The following FAM171A1 variants were observed in gnomAD, a reference collection of about 807,000 sequenced individuals.
FAM171A1 encodes the protein protein FAM171A1.
A neutral mutation model predicts 74.9 loss-of-function variants in FAM171A1; 23 were observed. The observed-to-expected ratio is 0.31, with a 90% CI of 0.22 to 0.44. FAM171A1 has a LOEUF of 0.44. Ranked by LOEUF, FAM171A1 falls within the 20% of genes least tolerant of loss-of-function variation. The pLI, the probability that FAM171A1 is intolerant of heterozygous loss-of-function variation, is 1.00. For missense variants in FAM171A1, 1,162 were observed against 1,159.2 expected (o/e 1.00, Z -0.03); for synonymous variants, 527 against 505.7 (o/e 1.04, Z -0.57).
rs1833915762 is a variant in FAM171A1, at chr10:15,213,200, C to T, written c.2388G>A (p.Gln796=). Residue 796 remains glutamine, a synonymous_variant, in exon 8 of 8, where the codon CAG becomes CAA. Transcript: ENST00000378116. This position sits in a 1 kb window ranked among gnomAD's most constrained non-coding sequence, Gnocchi z 6.8. ...CCGTGGTCCCACATTCGCTACCACT[C>T]TGTTCCACGTCATCCAGGTACACGA... The part of the protein sequence containing the change: ...TQLVYLDDVE[Q]SGSECGTTVC... The T allele has an allele frequency of 1.2e-5, 20 of 1,614,138 alleles. No homozygotes were observed. Among genetic ancestry groups the T allele is most frequent in the Non-Finnish European group, 1.6e-5 (19 of 1,180,038 alleles).
At chr10:15,311,521 G>C (rs1305167651) in intron 1 of FAM171A1, among the ~76,000 whole-genome samples, 1 of 152,108 alleles carries the variant, frequency 6.6e-6, no homozygotes, top group East Asian at 1.9e-4. Context: ...TGCTCTCCTG[G>C]CATTAAAAAT....
At chr10:15,365,685 T>G (rs10450544) in intron 1 of FAM171A1, among the ~76,000 whole-genome samples, 4,814 of 151,596 alleles carry the variant, frequency 0.032, 252 homozygotes, top group African/African-American at 0.11. Flanking sequence ...CAGGAGAATC[T>G]TTTCAACCTG....
At chr10:15,301,449 C>T (rs1247776104) in intron 1 of FAM171A1, among the ~76,000 whole-genome samples, 1 of 151,842 alleles carries the variant, frequency 6.6e-6, no homozygotes, top group South Asian at 2.1e-4. Context: ...GTAATCCACC[C>T]GCCTTGGCCT....
At position 15,213,962 on chromosome 10, in the gene FAM171A1, C is replaced by A; in HGVS notation, c.1626G>T (p.Ser542=). The change falls in exon 8 of 8, where the codon TCG becomes TCT. Residue 542 remains serine (S), a synonymous_variant. Coordinates refer to ENST00000378116, the MANE Select transcript of FAM171A1 (RefSeq NM_001010924.2). The surrounding 1 kb of genome is among the most constrained non-coding windows in gnomAD (Gnocchi z 6.8). ...LDRRPTECMM[S]RSVDHLERPT... ...GTCTCTCGAGGTGATCTACTGATCG[C>A]GACATCATACATTCAGTGGGTCTGC... is the stretch of plus-strand genomic sequence containing the variant. 2 of 1,614,156 alleles carry A rather than the reference C, an allele frequency of 1.2e-6. No homozygotes were observed. The highest frequency in any genetic ancestry group is 1.1e-5 in the South Asian group (1 of 91,088).
intron 1 of FAM171A1, among the ~76,000 whole-genome samples, chr10:15,354,874 T>A (rs555874583): frequency 2.6e-5 from 4 of 152,244 alleles, no homozygotes; most frequent in Non-Finnish European, 5.9e-5. Context: ...GCTTGTTCAA[T>A]CTGGAGGCAT....
chr10:15,372,382 A>G (rs1836160585), upstream of FAM171A1, among the ~76,000 whole-genome samples: 1 of 152,170 alleles, frequency 6.6e-6, no homozygotes, highest in Admixed American at 6.5e-5. Context: ...TGACCCCAAA[A>G]TTGAAACTCT....
At chr10:15,323,173 G>A (rs1285286408) in intron 1 of FAM171A1, among the ~76,000 whole-genome samples, 1 of 151,282 alleles carries the variant, frequency 6.6e-6, no homozygotes, top group African/African-American at 2.4e-5. Context: ...TAAATTACAG[G>A]GCCGGGTGTG....
intron 1 of FAM171A1, among the ~76,000 whole-genome samples, chr10:15,289,400 C>T (rs1835077391): frequency 2.0e-5 from 3 of 152,114 alleles, no homozygotes; most frequent in Non-Finnish European, 2.9e-5. Flanking sequence ...TGCACAAAAC[C>T]CAGACTGGGA....
chr10:15,336,612 G>T (rs1239649731), intron 1 of FAM171A1, among the ~76,000 whole-genome samples: 5 of 152,144 alleles, frequency 3.3e-5, no homozygotes, highest in Non-Finnish European at 7.4e-5. Flanking sequence ...ATGTGGTTGT[G>T]TCTGGCCAGA....
At chr10:15,359,894 G>A (rs949720165) in intron 1 of FAM171A1, among the ~76,000 whole-genome samples, 1 of 152,206 alleles carries the variant, frequency 6.6e-6, no homozygotes, top group Non-Finnish European at 1.5e-5. Flanking sequence ...GAATTGGCAA[G>A]GAACTGAATT....
chr10:15,233,735 C>T (rs576563421), intron 5 of FAM171A1, among the ~76,000 whole-genome samples: 1 of 152,096 alleles, frequency 6.6e-6, no homozygotes, highest in Admixed American at 6.5e-5. Flanking sequence ...AACCCCATCT[C>T]TACTAAAAAT....
At position 15,265,950 on chromosome 10, in the gene FAM171A1, AAGAACAGGAGCCAGAGGTGGT is replaced by A. The variant is rs1376360697; in HGVS notation, c.418+9884_418+9904del. Among the ~76,000 whole-genome samples the A allele has an allele frequency of 2.0e-5, 3 of 152,256 alleles. No homozygotes were observed. The East Asian group carries it at 5.8e-4, about 29-fold the overall frequency. ...AAGGGAGGTGAGGACCTGTGGCTCC[AAGAACAGGAGCCAGAGGTGGT>A]AGAAGGCACAAGAGGTAGAACGACC... On this transcript the variant is annotated intron_variant, in intron 3 of 7. Coordinates refer to ENST00000378116, the MANE Select transcript of FAM171A1 (RefSeq NM_001010924.2).
intron 1 of FAM171A1, among the ~76,000 whole-genome samples, chr10:15,360,847 C>A (rs1160822494): frequency 1.3e-5 from 2 of 152,172 alleles, no homozygotes; most frequent in Admixed American, 6.5e-5. Context: ...ATCACCCTGG[C>A]GGTTCTGGTA....
At chr10:15,354,753 G>A (rs1835915272) in intron 1 of FAM171A1, among the ~76,000 whole-genome samples, 1 of 152,178 alleles carries the variant, frequency 6.6e-6, no homozygotes, top group Admixed American at 6.5e-5. Flanking sequence ...CTGGAATAAC[G>A]ATACTTTCAC....
At chr10:15,265,146 A>G (rs533574455) in intron 3 of FAM171A1, among the ~76,000 whole-genome samples, 2 of 152,200 alleles carry the variant, frequency 1.3e-5, no homozygotes, top group Non-Finnish European at 2.9e-5. Flanking sequence ...AAAATTAACT[A>G]TAATGAAAAC....
At chr10:15,347,616 T>A (rs191312543) in intron 1 of FAM171A1, among the ~76,000 whole-genome samples, 79 of 152,060 alleles carry the variant, frequency 5.2e-4, no homozygotes, top group Admixed American at 3.8e-3. Flanking sequence ...GGCGAGTGGA[T>A]GACAAAGTCA....
chr10:15,260,202 T>C (rs1834637401), intron 3 of FAM171A1, among the ~76,000 whole-genome samples: 1 of 152,154 alleles, frequency 6.6e-6, no homozygotes, highest in South Asian at 2.1e-4. Flanking sequence ...CCAAAATGCA[T>C]GTCAAAAGCC....
At chr10:15,306,679 T>C (rs1000056494) in intron 1 of FAM171A1, among the ~76,000 whole-genome samples, 1 of 152,228 alleles carries the variant, frequency 6.6e-6, no homozygotes, top group African/African-American at 2.4e-5. Context: ...CCATTCTTTT[T>C]CAATGGACTG....
chr10:15,221,561 A>G (rs1156283003), intron 5 of FAM171A1, among the ~76,000 whole-genome samples: 1 of 152,212 alleles, frequency 6.6e-6, no homozygotes, highest in Non-Finnish European at 1.5e-5. Context: ...TCATCCAGTA[A>G]CCCTGGCTTC....
Sources: allele counts gnomAD v4.1 joint callset (sites outside exome capture counted in the v4.1 genomes callset), GRCh38; gene constraint gnomAD v4.1.1; non-coding constraint Gnocchi (gnomAD v3.1); transcripts MANE v1.5; gene names NCBI Gene and HGNC (gene_info 2026-07-23, HGNC 2026-07-21).